The following RBFOX1 variants were observed in gnomAD, a reference collection of about 807,000 sequenced individuals.
RBFOX1 encodes the protein RNA binding fox-1 homolog 1, also known as RNA binding protein fox-1 homolog 1.
A neutral mutation model predicts 57.7 loss-of-function variants in RBFOX1; 8 were observed. The ratio of observed to expected loss-of-function variants is 0.14; its 90% CI spans 0.08 to 0.25. The LOEUF (loss-of-function observed/expected upper bound fraction) is 0.25, where lower values mean the gene tolerates loss of function less well. Among genes scored for constraint, RBFOX1 ranks in the 10% least tolerant of loss-of-function variants. The probability of loss-of-function intolerance (pLI) is 1.00; values close to 1 mark genes in which losing one functional copy is unlikely to be tolerated. For synonymous variants in RBFOX1, 326 were observed against 222.4 expected, an observed-to-expected ratio of 1.47 and a Z score of -4.15; for missense variants, 611 against 548.5, an observed-to-expected ratio of 1.11 and a Z score of -1.14.
At chr16:5,455,275 A>G (rs1213214995) in intron 1 of RBFOX1, among the ~76,000 whole-genome samples, 1 of 151,956 alleles carries the variant, frequency 6.6e-6, no homozygotes, top group Non-Finnish European at 1.5e-5. Context: ...CCCATAACAC[A>G]GTGGCATGTT....
At chr16:5,995,993 C>A (rs2060483963) in intron 4 of RBFOX1, among the ~76,000 whole-genome samples, 1 of 152,108 alleles carries the variant, frequency 6.6e-6, no homozygotes, top group Non-Finnish European at 1.5e-5. Flanking sequence ...GCATCTTTTT[C>A]TTTGTTTTCA....
At chr16:5,459,861 C>G (rs2068738291) in intron 1 of RBFOX1, among the ~76,000 whole-genome samples, 2 of 152,088 alleles carry the variant, frequency 1.3e-5, no homozygotes, top group South Asian at 4.2e-4. Flanking sequence ...AAATATTTCT[C>G]GAGTCTCTCT....
chr16:5,284,547 T>C (rs1402251141), intron 1 of RBFOX1, among the ~76,000 whole-genome samples: 2 of 150,662 alleles, frequency 1.3e-5, no homozygotes, highest in African/African-American at 2.4e-5. Flanking sequence ...TTCTTTTTTT[T>C]TTTTTTTTTT....
chr16:7,389,673 C>T (rs2097956978), intron 4 of RBFOX1, among the ~76,000 whole-genome samples: 1 of 152,150 alleles, frequency 6.6e-6, no homozygotes, highest in Non-Finnish European at 1.5e-5. Context: ...ATTCAGAAGA[C>T]AATCTGGCTG....
intron 4 of RBFOX1, among the ~76,000 whole-genome samples, chr16:7,154,673 G>A (rs935072341): frequency 6.7e-6 from 1 of 148,948 alleles, no homozygotes; most frequent in Non-Finnish European, 1.5e-5. Context: ...GAAATGGCTA[G>A]ACCCTCTTCC....
chr16:6,119,492 C>G (rs554748611), intron 1 of RBFOX1, among the ~76,000 whole-genome samples: 3 of 152,288 alleles, frequency 2.0e-5, no homozygotes, highest in East Asian at 1.9e-4. Flanking sequence ...TAAAAGTACA[C>G]TAATTTATTA....
intron 12 of RBFOX1, among the ~76,000 whole-genome samples, chr16:7,655,656 G>GTAAT: frequency 6.6e-6 from 1 of 152,334 alleles, no homozygotes; most frequent in South Asian, 2.1e-4. Flanking sequence ...TTGGGCTCAT[G>GTAAT]TAATTACTAA....
chr16:5,372,926 G>A (rs1000016064), intron 1 of RBFOX1, among the ~76,000 whole-genome samples: 7 of 152,238 alleles, frequency 4.6e-5, no homozygotes, highest in Non-Finnish European at 8.8e-5. Context: ...GTCTTCTGAA[G>A]ACGGGGAGAA....
Position 6,725,452 on chromosome 16 carries a change from C to G in RBFOX1, c.-16+70802C>G, listed in dbSNP as rs928423044. Among the ~76,000 whole-genome samples the G allele has an allele frequency of 3.3e-5, 5 of 152,124 alleles. No individual in the cohort carries two copies. In the South Asian group the frequency reaches 8.3e-4, roughly 25 times the overall value. On this transcript the variant is annotated intron_variant, in intron 3 of 15. Transcript: ENST00000550418. ...ACATCCTGTGACTCACAATCCCCAACCTACCGTGAATGCAGCCCAGTGGGT... is the reference window on the plus strand; with the variant it reads ...ACATCCTGTGACTCACAATCCCCAAGCTACCGTGAATGCAGCCCAGTGGGT...
At chr16:5,508,976 C>G (rs17137976) in intron 2 of RBFOX1, among the ~76,000 whole-genome samples, 9,135 of 152,254 alleles carry the variant, frequency 0.06, 718 homozygotes, top group African/African-American at 0.18. Flanking sequence ...AGTGGATGTA[C>G]TTAAACTCCA....
At chr16:6,370,887 T>A (rs1415234811) in intron 2 of RBFOX1, among the ~76,000 whole-genome samples, 3 of 152,238 alleles carry the variant, frequency 2.0e-5, no homozygotes, top group Non-Finnish European at 4.4e-5. Context: ...GTCCTCAATA[T>A]GTAAATATAA....
chr16:7,115,584 G>A (rs763437627), intron 4 of RBFOX1, among the ~76,000 whole-genome samples: 1 of 152,168 alleles, frequency 6.6e-6, no homozygotes, highest in Non-Finnish European at 1.5e-5. Flanking sequence ...CAGGCTGGAA[G>A]TTTGCTGCCC....
chr16:5,822,176 C>G (rs2055880326), intron 3 of RBFOX1, among the ~76,000 whole-genome samples: 1 of 152,124 alleles, frequency 6.6e-6, no homozygotes, highest in African/African-American at 2.4e-5. Context: ...AGTGAAGTAA[C>G]TCAGGAATGA....
chr16:7,531,193 C>G (rs2079981024), intron 5 of RBFOX1, among the ~76,000 whole-genome samples: 1 of 152,072 alleles, frequency 6.6e-6, no homozygotes, highest in African/African-American at 2.4e-5. Flanking sequence ...ATGGGCTGCC[C>G]TGATCTTTTA....
At chr16:7,588,013 T>C (rs547624755) in intron 7 of RBFOX1, among the ~76,000 whole-genome samples, 1 of 152,170 alleles carries the variant, frequency 6.6e-6, no homozygotes, top group East Asian at 1.9e-4. Flanking sequence ...ACCTCGTCTT[T>C]ACTAAAAATA....
intron 4 of RBFOX1, among the ~76,000 whole-genome samples, chr16:7,473,827 A>C (rs1054147773): frequency 6.6e-6 from 1 of 152,126 alleles, no homozygotes; most frequent in African/African-American, 2.4e-5. Context: ...CTTCATAGAC[A>C]ATTCTAGTGA....
At position 7,248,769 on chromosome 16, in the gene RBFOX1, G is replaced by T. The variant is rs540110855; in HGVS notation, c.27+196671G>T. ...TTATCATTAATTGATTTTTCTGTAT[G>T]TCTAGGCAGAGATATATCAGGGAAA... On this transcript the variant is annotated intron_variant, in intron 4 of 15. Transcript: ENST00000550418. Among the ~76,000 whole-genome samples the T allele has an allele frequency of 1.2e-4, 18 of 152,308 alleles. No individual in the cohort carries two copies. The South Asian group carries it at 3.3e-3, about 28-fold the overall frequency.
chr16:5,380,766 G>A (rs1162758331), intron 1 of RBFOX1, among the ~76,000 whole-genome samples: 3 of 152,216 alleles, frequency 2.0e-5, no homozygotes, highest in Non-Finnish European at 2.9e-5. Flanking sequence ...AGGAGTCTCT[G>A]CTTTGAAACC....
chr16:6,878,731 C>G (rs539147165), intron 3 of RBFOX1, among the ~76,000 whole-genome samples: 1 of 152,222 alleles, frequency 6.6e-6, no homozygotes, highest in Non-Finnish European at 1.5e-5. Flanking sequence ...GAAATGGAAA[C>G]CTGATATATC....
Sources: gnomAD v4.1 joint callset for allele counts (sites outside exome capture counted in the v4.1 genomes callset) on GRCh38, gnomAD v4.1.1 for gene constraint, MANE v1.5 for transcripts, NCBI Gene and HGNC (gene_info 2026-07-23, HGNC 2026-07-21) for gene names.